SPOCK1: variants seen among roughly 807,000 people sequenced by gnomAD.
The protein encoded by SPOCK1 is SPARC (osteonectin), cwcv and kazal like domains proteoglycan 1.
A neutral mutation model predicts 55.3 loss-of-function variants in SPOCK1; 23 were observed. The ratio of observed to expected loss-of-function variants is 0.42; its 90% CI spans 0.30 to 0.59. SPOCK1 has a LOEUF of 0.59. SPOCK1 is among the 20% of genes least tolerant of loss of function. The pLI, the probability that SPOCK1 is intolerant of heterozygous loss-of-function variation, is 0.22. For synonymous variants in SPOCK1, 226 were observed against 221.0 expected, an observed-to-expected ratio of 1.02 and a Z score of -0.20; for missense variants, 499 against 552.5, an observed-to-expected ratio of 0.90 and a Z score of 0.97.
chr5:137,458,955 G>A (rs994599812), intron 2 of SPOCK1, among the ~76,000 whole-genome samples: 1 of 152,142 alleles, frequency 6.6e-6, no homozygotes, highest in Non-Finnish European at 1.5e-5. Flanking sequence ...TTACCAACAG[G>A]GAAACAGAGA....
chr5:137,069,938 CT>C (rs913462654), intron 5 of SPOCK1, among the ~76,000 whole-genome samples: 2 of 152,218 alleles, frequency 1.3e-5, no homozygotes, highest in African/African-American at 4.8e-5. Flanking sequence ...GAGACTCCCC[CT>C]CTCCAACCCA....
At chr5:137,478,778 C>A (rs1467267881) in intron 2 of SPOCK1, among the ~76,000 whole-genome samples, 1 of 152,004 alleles carries the variant, frequency 6.6e-6, no homozygotes, top group Non-Finnish European at 1.5e-5. Flanking sequence ...ACCACCACCC[C>A]CAACCCAAAT....
intron 6 of SPOCK1, among the ~76,000 whole-genome samples, chr5:137,038,429 C>A (rs1183023731): frequency 1.3e-5 from 2 of 152,150 alleles, no homozygotes; most frequent in Non-Finnish European, 2.9e-5. Context: ...CCTCTTCCTC[C>A]TGTAGAAATA....
intron 2 of SPOCK1, among the ~76,000 whole-genome samples, chr5:137,389,143 G>A (rs188631208): frequency 6.6e-6 from 1 of 152,278 alleles, no homozygotes; most frequent in East Asian, 1.9e-4. Flanking sequence ...TAAGTTCCAA[G>A]TATAACAACC....
At position 137,282,561 on chromosome 5, in the gene SPOCK1, T is replaced by G. The variant is rs1470595612; in HGVS notation, c.187-15506A>C. ...AACAGACCCAGCAGGAAGGAGGTGA[T>G]GCCTTCATAATAAGGTGATAAAGCA... is the stretch of plus-strand genomic sequence containing the variant. On this transcript the variant is annotated intron_variant, in intron 2 of 10. Coordinates refer to ENST00000394945, the MANE Select transcript of SPOCK1 (RefSeq NM_004598.4). Among the ~76,000 whole-genome samples the G allele has an allele frequency of 2.0e-5, 3 of 152,250 alleles. No homozygotes were observed. In the East Asian group the frequency reaches 5.8e-4, roughly 29 times the overall value.
At chr5:137,060,676 C>A (rs1313616711) in intron 6 of SPOCK1, among the ~76,000 whole-genome samples, 1 of 152,044 alleles carries the variant, frequency 6.6e-6, no homozygotes, top group Non-Finnish European at 1.5e-5. Context: ...GCTGTCTGGG[C>A]AAACTATCAA....
intron 6 of SPOCK1, among the ~76,000 whole-genome samples, chr5:137,026,448 G>A (rs1751676181): frequency 6.6e-6 from 1 of 152,198 alleles, no homozygotes; most frequent in Non-Finnish European, 1.5e-5. Context: ...CTGAAAAAGA[G>A]GGGGAATTCT....
intron 6 of SPOCK1, among the ~76,000 whole-genome samples, chr5:137,014,979 T>C (rs539288191): frequency 9.2e-5 from 14 of 152,292 alleles, no homozygotes; most frequent in African/African-American, 3.4e-4. Context: ...ATAGATTCTC[T>C]CCTGTGAAAT....
chr5:137,330,181 G>T (rs1758144902), intron 2 of SPOCK1, among the ~76,000 whole-genome samples: 1 of 152,126 alleles, frequency 6.6e-6, no homozygotes, highest in African/African-American at 2.4e-5. Context: ...CCACTTTGCT[G>T]CCCTGTATCT....
chr5:137,087,667 C>T (rs765235703), intron 5 of SPOCK1, among the ~76,000 whole-genome samples: 4 of 152,202 alleles, frequency 2.6e-5, no homozygotes, highest in Admixed American at 2.6e-4. Flanking sequence ...CATGTGTGTC[C>T]CAGGGCAGGG....
intron 6 of SPOCK1, among the ~76,000 whole-genome samples, chr5:137,042,003 T>A (rs1752009387): frequency 6.6e-6 from 1 of 152,230 alleles, no homozygotes; most frequent in Non-Finnish European, 1.5e-5. Flanking sequence ...TGAACTCAAA[T>A]GTTTATATCA....
rs916667709 is a variant in SPOCK1, at chr5:137,152,859, G to T, written c.233-12165C>A. Among the ~76,000 whole-genome samples the T allele has an allele frequency of 3.9e-5, 6 of 152,254 alleles. 1 individual carries two copies. Among genetic ancestry groups the T allele is most frequent in the Non-Finnish European group, 5.9e-5 (4 of 68,022 alleles). On this transcript the variant is annotated intron_variant, in intron 3 of 10. Transcript: ENST00000394945. ...CTTTCATGTCTCTTGAGCCTTGACT[G>T]CACTGCTCAATACAAAATACCATTC...
intron 9 of SPOCK1, 108 bp from the exon 10 acceptor site, chr5:136,979,577 G>A: frequency 7.1e-7 from 1 of 1,414,322 alleles, no homozygotes; most frequent in Non-Finnish European, 9.6e-7. Flanking sequence ...ATCTGCTGCA[G>A]GGTCAGCAGC....
At chr5:137,093,797 G>C (rs1753091217) in intron 5 of SPOCK1, among the ~76,000 whole-genome samples, 1 of 152,196 alleles carries the variant, frequency 6.6e-6, no homozygotes, top group Non-Finnish European at 1.5e-5. Context: ...AGCCACCCAA[G>C]TGACTGGAGC....
Position 137,096,787 on chromosome 5 carries a change from C to T in SPOCK1, c.474+15648G>A, listed in dbSNP as rs530438574. On this transcript the variant is annotated intron_variant, in intron 5 of 10. Transcript: ENST00000394945. ...ACATATTTAAAATCCAGTCTTCTTA[C>T]CATTGTTAACTGAACCCAACCCCTC... Among the ~76,000 whole-genome samples the T allele has an allele frequency of 1.7e-3, 265 of 152,208 alleles. 1 individual carries two copies. Among genetic ancestry groups the T allele is most frequent in the Non-Finnish European group, 3.3e-3 (226 of 68,016 alleles).
intron 2 of SPOCK1, among the ~76,000 whole-genome samples, chr5:137,388,386 T>C (rs1374424237): frequency 2.3e-5 from 3 of 131,808 alleles, no homozygotes; most frequent in African/African-American, 8.9e-5. Context: ...ATCTCCAGGG[T>C]AAGGGGTATG....
chr5:136,983,050 A>G (rs2190619), intron 9 of SPOCK1, among the ~76,000 whole-genome samples: 25,862 of 152,124 alleles, frequency 0.17, 2,685 homozygotes, highest in African/African-American at 0.28. Context: ...GATAGTGTGC[A>G]TCTTCTATGG....
chr5:137,372,500 G>T (rs953848576), intron 2 of SPOCK1, among the ~76,000 whole-genome samples: 1 of 152,172 alleles, frequency 6.6e-6, no homozygotes, highest in Admixed American at 6.5e-5. Flanking sequence ...TGCTAAAAAC[G>T]ACCCCAGGGT....
At chr5:137,471,618 C>T (rs1172442909) in intron 2 of SPOCK1, among the ~76,000 whole-genome samples, 2 of 152,172 alleles carry the variant, frequency 1.3e-5, no homozygotes, top group African/African-American at 4.8e-5. Flanking sequence ...ACTTCAGGAC[C>T]CTGGTGACTA....
Sources: allele counts gnomAD v4.1 joint callset (sites outside exome capture counted in the v4.1 genomes callset), GRCh38; gene constraint gnomAD v4.1.1; transcripts MANE v1.5; gene names NCBI Gene and HGNC (gene_info 2026-07-23, HGNC 2026-07-21).